MINDY2: variants seen among roughly 807,000 people sequenced by gnomAD.
MINDY2 encodes the protein ubiquitin carboxyl-terminal hydrolase MINDY-2.
Under a neutral mutation model 68.2 loss-of-function variants are expected in MINDY2, and 52 were observed. The observed-to-expected ratio is 0.76, with a 90% confidence interval of 0.61 to 0.96. The LOEUF (loss-of-function observed/expected upper bound fraction) is 0.96. Ranked by LOEUF, MINDY2 falls within the 40% of genes least tolerant of loss-of-function variation. MINDY2 has a pLI of 0.00. For missense variants in MINDY2, 881 were observed against 773.4 expected, an observed-to-expected ratio of 1.14 and a Z score of -1.65; for synonymous variants, 372 against 303.0, an observed-to-expected ratio of 1.23 and a Z score of -2.36.
chr15:58,778,814 T>TC (rs200212778), intron 1 of MINDY2, among the ~76,000 whole-genome samples: 207 of 142,796 alleles, frequency 1.4e-3, no homozygotes, highest in Middle Eastern at 3.6e-3. Context: ...TTTTTTCTTT[T>TC]TTTTTTTTTT....
chr15:58,832,371 C>A lies in MINDY2; in HGVS notation c.1368+455C>A, dbSNP rs193020099. Among the ~76,000 whole-genome samples the A allele has an allele frequency of 1.8e-4, 27 of 150,460 alleles. No individual in the cohort carries two copies. In the East Asian group the frequency reaches 4.7e-3, roughly 26 times the overall value. ...CTTCCCGAGTAGCTGGGATTACAGG[C>A]ATGCACCACCATGCCTGGCTAATTT... On this transcript the variant is annotated intron_variant, in intron 6 of 8. Transcript: ENST00000559228.
rs369361866 is a variant in MINDY2, at chr15:58,785,880, A to G, written c.841-2026A>G. 3.9e-5 allele frequency among the ~76,000 whole-genome samples: 6 copies of G among 152,146 alleles called. No homozygotes were observed. The South Asian group carries it at 8.3e-4, about 21-fold the overall frequency. ...TTTTAGTAAAGTCCGTGTTTCACCA[A>G]GTTGGCCAGGCTCGTCTCGTACTCC... On this transcript the variant is annotated intron_variant, in intron 1 of 8. Coordinates refer to ENST00000559228, the MANE Select transcript of MINDY2 (RefSeq NM_001040450.3).
At chr15:58,845,608 T>C (rs934804151) in intron 6 of MINDY2, among the ~76,000 whole-genome samples, 1 of 152,148 alleles carries the variant, frequency 6.6e-6, no homozygotes, top group Admixed American at 6.5e-5. Context: ...GGAATATAAA[T>C]GAGTACAACC....
chr15:58,792,614 A>G (rs1351965833), intron 2 of MINDY2, among the ~76,000 whole-genome samples: 3 of 152,034 alleles, frequency 2.0e-5, no homozygotes, highest in South Asian at 2.1e-4. Flanking sequence ...TCAGGGGGAA[A>G]AAAAGAAAAA....
Position 58,860,216 on chromosome 15 carries a change from GT to G in MINDY2, c.*5610del. On this transcript the variant is annotated 3_prime_UTR_variant, in exon 9 of 9. Coordinates refer to ENST00000559228, the MANE Select transcript of MINDY2 (RefSeq NM_001040450.3). ...AAATTAGAGAAGGACAAAACAAAAT[GT>G]TTTGGAAGGTGATCCTGGCTCCTTT... is the stretch of plus-strand genomic sequence containing the variant. 6.6e-6 allele frequency: 1 copy of G among 152,294 alleles called. No individual in the cohort carries two copies. The highest frequency in any genetic ancestry group is 1.9e-4 in the East Asian group (1 of 5,196). 9.4% of individuals were successfully genotyped at this position (152,294 alleles called of 1,614,324 possible).
At chr15:58,809,448 A>G (rs1389938733) in intron 3 of MINDY2, among the ~76,000 whole-genome samples, 1 of 152,108 alleles carries the variant, frequency 6.6e-6, no homozygotes, top group Non-Finnish European at 1.5e-5. Context: ...TTGTATGTAT[A>G]TATCTCATTT....
intron 2 of MINDY2, among the ~76,000 whole-genome samples, chr15:58,791,215 T>TTTTATATATA (rs1344616079): frequency 1.4e-4 from 11 of 79,586 alleles, no homozygotes; most frequent in Non-Finnish European, 2.5e-4. Flanking sequence ...GAAAGCAATT[T>TTTTATATATA]TATATATATA....
At chr15:58,788,822 C>T (rs1901681734) in intron 2 of MINDY2, among the ~76,000 whole-genome samples, 1 of 149,090 alleles carries the variant, frequency 6.7e-6, no homozygotes, top group East Asian at 2.0e-4. Context: ...CCTGCCTGGC[C>T]AACATGGTGA....
At chr15:58,795,059 C>G (rs1208602701) in intron 2 of MINDY2, among the ~76,000 whole-genome samples, 1 of 151,990 alleles carries the variant, frequency 6.6e-6, no homozygotes, top group East Asian at 1.9e-4. Context: ...GCCTGTAGTC[C>G]CAGCTGCTCG....
intron 5 of MINDY2, among the ~76,000 whole-genome samples, chr15:58,826,225 C>CA (rs2031383054): frequency 3.1e-5 from 3 of 98,162 alleles, no homozygotes; most frequent in African/African-American, 1.2e-4. Flanking sequence ...TTCACACAAT[C>CA]TTTTTTTTTT....
chr15:58,816,078 A>G (rs347113), intron 4 of MINDY2, among the ~76,000 whole-genome samples: 2,442 of 152,364 alleles, frequency 0.016, 58 homozygotes, highest in African/African-American at 0.049. Flanking sequence ...AGTGCCTGGC[A>G]CATAAGTAAA....
chr15:58,848,632 G>A (rs906542462), intron 7 of MINDY2, among the ~76,000 whole-genome samples: 7 of 152,126 alleles, frequency 4.6e-5, no homozygotes, highest in African/African-American at 1.7e-4. Context: ...TGTAGTCGCA[G>A]CTACTCAGGA....
rs559819275 is a variant in MINDY2, at chr15:58,782,182, C to A, written c.841-5724C>A. ...TTCTCTTTGATTCCCATTAATACTT[C>A]TAATATTTTCTAAAGAATAATTTCT... On this transcript the variant is annotated intron_variant, in intron 1 of 8. Transcript: ENST00000559228. Among the ~76,000 whole-genome samples, 9 of 152,066 alleles carry A rather than the reference C, an allele frequency of 5.9e-5. No homozygotes were observed. The East Asian group carries it at 1.5e-3, about 26-fold the overall frequency.
At chr15:58,783,626 T>G (rs1253306636) in intron 1 of MINDY2, among the ~76,000 whole-genome samples, 4 of 152,176 alleles carry the variant, frequency 2.6e-5, no homozygotes, top group African/African-American at 9.7e-5. Context: ...TACTTTACTC[T>G]TTAGATGATT....
chr15:58,816,816 G>A (rs761380349), intron 4 of MINDY2, among the ~76,000 whole-genome samples: 3 of 152,264 alleles, frequency 2.0e-5, no homozygotes, highest in South Asian at 4.2e-4. Context: ...AAAGCCAGGT[G>A]AGGTGGCATC....
chr15:58,836,758 A>G (rs2032015482), intron 6 of MINDY2, among the ~76,000 whole-genome samples: 1 of 152,016 alleles, frequency 6.6e-6, no homozygotes, highest in South Asian at 2.1e-4. Flanking sequence ...AACTGGGACT[A>G]CAGGTGTACA....
chr15:58,802,919 G>A (rs900185990), intron 3 of MINDY2, among the ~76,000 whole-genome samples: 1 of 152,184 alleles, frequency 6.6e-6, no homozygotes, highest in Non-Finnish European at 1.5e-5. Context: ...AAAGCAAGCG[G>A]AGCTTCATTT....
At chr15:58,821,883 T>A in intron 5 of MINDY2, 64 bp downstream of exon 5, 1 of 1,065,954 alleles carries the variant, frequency 9.4e-7, no homozygotes, top group Non-Finnish European at 1.3e-6. Context: ...TCTTATAACT[T>A]AATATCTTTC....
intron 5 of MINDY2, among the ~76,000 whole-genome samples, chr15:58,830,599 G>C (rs1375362390): frequency 2.6e-5 from 4 of 152,114 alleles, no homozygotes; most frequent in African/African-American, 9.7e-5. Context: ...TATAACTCAT[G>C]CCTGAACGAA....
Sources: allele counts gnomAD v4.1 joint callset (sites outside exome capture counted in the v4.1 genomes callset), GRCh38; gene constraint gnomAD v4.1.1; transcripts MANE v1.5; gene names NCBI Gene and HGNC (gene_info 2026-07-23, HGNC 2026-07-21).